The following NADK2 variants were observed in gnomAD, a reference collection of about 807,000 sequenced individuals.
NADK2 encodes the protein NAD kinase domain-containing protein 1, mitochondrial.
In NADK2, 35 loss-of-function variants were observed where a neutral mutation model predicts 62.1. That is an observed-to-expected ratio of 0.56 (90% CI 0.43 to 0.75). NADK2 has a LOEUF of 0.75. NADK2 is among the 30% of genes least tolerant of loss of function. The pLI, the probability that NADK2 is intolerant of heterozygous loss-of-function variation, is 0.00. For missense variants in NADK2, 439 were observed against 561.3 expected (o/e 0.78, Z 2.20); for synonymous variants, 205 against 207.9 (o/e 0.99, Z 0.12).
chr5:36,230,244 C>A (rs1747657597), intron 1 of NADK2, among the ~76,000 whole-genome samples: 1 of 152,176 alleles, frequency 6.6e-6, no homozygotes. Flanking sequence ...ACACTCTAAT[C>A]TCTTTGGTCT....
intron 1 of NADK2, among the ~76,000 whole-genome samples, chr5:36,232,382 T>C (rs1228544368): frequency 6.6e-6 from 1 of 152,160 alleles, no homozygotes; most frequent in Non-Finnish European, 1.5e-5. Flanking sequence ...ACATAATAAA[T>C]GCACAAACTT....
chr5:36,204,826 T>C (rs961958757), intron 8 of NADK2, among the ~76,000 whole-genome samples: 1 of 151,978 alleles, frequency 6.6e-6, no homozygotes, highest in Admixed American at 6.6e-5. Context: ...CAAAAGTAGA[T>C]AGGGGTACAG....
chr5:36,235,151 T>C (rs1273296223), intron 1 of NADK2, among the ~76,000 whole-genome samples: 1 of 152,218 alleles, frequency 6.6e-6, no homozygotes, highest in Non-Finnish European at 1.5e-5. Flanking sequence ...ATGCAGATCA[T>C]AATTTTTGTA....
At chr5:36,227,834 A>AT (rs895985083) in intron 1 of NADK2, among the ~76,000 whole-genome samples, 2 of 148,466 alleles carry the variant, frequency 1.3e-5, no homozygotes, top group African/African-American at 2.5e-5. Context: ...TAAGTTTTTT[A>AT]TTTTTTTTAT....
At chr5:36,234,327 C>A (rs958573075) in intron 1 of NADK2, among the ~76,000 whole-genome samples, 7 of 138,348 alleles carry the variant, frequency 5.1e-5, no homozygotes, top group African/African-American at 2.0e-4. Context: ...GAGTCGAGAT[C>A]GCGCCACTGC....
At chr5:36,236,878 A>AC (rs1442880358) in intron 1 of NADK2, among the ~76,000 whole-genome samples, 9 of 151,410 alleles carry the variant, frequency 5.9e-5, no homozygotes, top group Non-Finnish European at 1.0e-4. Flanking sequence ...AAAAAAAAAA[A>AC]AAAAAAAAAC....
At chr5:36,206,471 A>C (rs1465360498) in intron 8 of NADK2, among the ~76,000 whole-genome samples, 2 of 151,940 alleles carry the variant, frequency 1.3e-5, no homozygotes, top group South Asian at 2.1e-4. Context: ...AGTACAATTA[A>C]TAGGATTTAG....
At chr5:36,201,772 T>C (rs1223166841) in intron 8 of NADK2, among the ~76,000 whole-genome samples, 1 of 151,988 alleles carries the variant, frequency 6.6e-6, no homozygotes, top group Non-Finnish European at 1.5e-5. Context: ...CTTTTTAACC[T>C]AGGCAAGTAT....
chr5:36,227,514 G>A lies in NADK2; in HGVS notation c.352C>T (p.His118Tyr). The A allele has an allele frequency of 6.4e-7, 1 of 1,557,268 alleles. No individual in the cohort carries two copies. Among genetic ancestry groups the A allele is most frequent in the Non-Finnish European group, 8.7e-7 (1 of 1,150,896 alleles). The change falls in exon 2 of 12, where the codon CAC (histidine) becomes TAC (tyrosine). Residue 118 changes from histidine (H) to tyrosine (Y), a missense_variant. Transcript: ENST00000381937. ...YSGLLERHHI[H>Y]TKNVEHIIDS... ...ATAATATGTTCTACATTTTTGGTGT[G>A]AATATGATGTCGTTCAAGAAGTCCA...
intron 1 of NADK2, among the ~76,000 whole-genome samples, chr5:36,234,830 T>C (rs922764290): frequency 5.9e-5 from 9 of 152,164 alleles, no homozygotes; most frequent in South Asian, 4.2e-4. Flanking sequence ...TCACTGAAAA[T>C]CTACTCAAAA....
intron 1 of NADK2, among the ~76,000 whole-genome samples, chr5:36,235,070 G>C (rs537770668): frequency 1.3e-5 from 2 of 152,298 alleles, no homozygotes; most frequent in Non-Finnish European, 2.9e-5. Flanking sequence ...ATTTAAAAGT[G>C]ACACTTTAAA....
At chr5:36,197,969 G>C (rs1363208946) in intron 10 of NADK2, among the ~76,000 whole-genome samples, 3 of 151,994 alleles carry the variant, frequency 2.0e-5, no homozygotes, top group Non-Finnish European at 4.4e-5. Context: ...TTAAACAATA[G>C]AGGAATTAGA....
intron 5 of NADK2, 146 bp downstream of exon 5, chr5:36,219,450 A>T: frequency 1.7e-6 from 1 of 596,496 alleles, no homozygotes; most frequent in Non-Finnish European, 2.9e-6. Context: ...AGCTCAAGTG[A>T]TCCACCCGCA....
At chr5:36,239,941 T>C (rs926723274) in intron 1 of NADK2, among the ~76,000 whole-genome samples, 1 of 152,238 alleles carries the variant, frequency 6.6e-6, no homozygotes, top group Non-Finnish European at 1.5e-5. Flanking sequence ...TCCCACACTC[T>C]GAACATGCCA....
intron 4 of NADK2, chr5:36,221,770 G>A (rs1351483592): frequency 6.6e-6 from 1 of 152,132 alleles, no homozygotes; most frequent in East Asian, 1.9e-4. Flanking sequence ...AGAAAATATA[G>A]TTCAATAAAC....
intron 2 of NADK2, 49 bp downstream of exon 2, chr5:36,227,428 G>C (rs1747523304): frequency 2.2e-6 from 2 of 891,442 alleles, no homozygotes; most frequent in Non-Finnish European, 1.6e-6. Context: ...ATAAAAACTG[G>C]AAGTCCTGAA....
chr5:36,210,254 A>T lies in NADK2; in HGVS notation c.860+1590T>A, dbSNP rs375448079. Among the ~76,000 whole-genome samples the T allele has an allele frequency of 4.6e-4, 70 of 152,324 alleles. 1 individual carries two copies. The South Asian group carries it at 0.014, about 31-fold the overall frequency. On this transcript the variant is annotated intron_variant, in intron 7 of 11. Coordinates refer to ENST00000381937, the MANE Select transcript of NADK2 (RefSeq NM_001085411.3). ...AAGTACTACCAAGAGTTAACTTTATATCACAGTAGTCATTTTACAGCTCGT... is the reference window on the plus strand; with the variant it reads ...AAGTACTACCAAGAGTTAACTTTATTTCACAGTAGTCATTTTACAGCTCGT...
intron 1 of NADK2, among the ~76,000 whole-genome samples, chr5:36,230,705 T>C (rs1747676242): frequency 6.6e-6 from 1 of 152,204 alleles, no homozygotes; most frequent in South Asian, 2.1e-4. Flanking sequence ...GAGAGTTAGA[T>C]TAGTTACTAT....
chr5:36,241,503 T>C lies in NADK2; in HGVS notation c.296A>G (p.Gln99Arg). 6.4e-7 allele frequency: 1 copy of C among 1,552,356 alleles called. No homozygotes were observed. The highest frequency in any genetic ancestry group is 8.6e-7 in the Non-Finnish European group (1 of 1,158,160). Reference protein sequence around the residue: ...YAELSEEDLKQLLALKGSSYS... With the variant: ...YAELSEEDLKRLLALKGSSYS... ...CGGGGCCGAGCCAGGACCCACCAGCTGCTTCAGGTCCTCCTCCGAGAGCTC... is the reference window on the plus strand; with the variant it reads ...CGGGGCCGAGCCAGGACCCACCAGCCGCTTCAGGTCCTCCTCCGAGAGCTC... The change falls in exon 1 of 12, where the codon CAG becomes CGG. Residue 99 changes from glutamine to arginine, a missense_variant. Coordinates refer to ENST00000381937, the MANE Select transcript of NADK2 (RefSeq NM_001085411.3). The surrounding 1 kb of genome is among the most constrained non-coding windows in gnomAD (Gnocchi z 4.9).
Sources: allele counts gnomAD v4.1 joint callset (sites outside exome capture counted in the v4.1 genomes callset), GRCh38; gene constraint gnomAD v4.1.1; non-coding constraint Gnocchi (gnomAD v3.1); transcripts MANE v1.5; gene names NCBI Gene and HGNC (gene_info 2026-07-23, HGNC 2026-07-21).